Variants in MSI2 observed in about 807,000 individuals in gnomAD.
The protein encoded by MSI2 is RNA-binding protein Musashi homolog 2.
A neutral mutation model predicts 45.6 loss-of-function variants in MSI2; 17 were observed. That is an observed-to-expected ratio of 0.37 (90% confidence interval 0.26 to 0.56). The LOEUF (loss-of-function observed/expected upper bound fraction) is 0.56, where lower values mean the gene tolerates loss of function less well. Ranked by LOEUF, MSI2 falls within the 20% of genes least tolerant of loss-of-function variation. MSI2 has a pLI of 0.77. For missense variants in MSI2, 293 were observed against 444.2 expected (o/e 0.66, Z 3.06); for synonymous variants, 156 against 158.2 (o/e 0.99, Z 0.11).
chr17:57,274,758 G>A (rs1908699879), intron 5 of MSI2, among the ~76,000 whole-genome samples: 1 of 152,206 alleles, frequency 6.6e-6, no homozygotes, highest in South Asian at 2.1e-4. Flanking sequence ...GTGCCATAAC[G>A]AAGTGTGTGG....
chr17:57,329,945 T>C (rs1163452588), intron 5 of MSI2, among the ~76,000 whole-genome samples: 1 of 152,120 alleles, frequency 6.6e-6, no homozygotes, highest in Non-Finnish European at 1.5e-5. Context: ...TTTTTGTTTT[T>C]TTTTTTTGGT....
At chr17:57,410,007 C>CAAAAAAAAAAA (rs1960012378) in intron 6 of MSI2, among the ~76,000 whole-genome samples, 1 of 2,366 alleles carries the variant, frequency 4.2e-4, no homozygotes, top group Non-Finnish European at 1.5e-3. Flanking sequence ...GACTCTGTCT[C>CAAAAAAAAAAA]CAAAAAAAAA....
intron 8 of MSI2, among the ~76,000 whole-genome samples, 153 bp downstream of exon 8, chr17:57,597,103 G>A (rs1359423548): frequency 1.3e-5 from 2 of 151,960 alleles, no homozygotes; most frequent in Non-Finnish European, 1.5e-5. Flanking sequence ...AACAGTAGCA[G>A]TTGTTTCATA....
chr17:57,419,225 G>A (rs2084351063), intron 6 of MSI2, among the ~76,000 whole-genome samples: 1 of 151,208 alleles, frequency 6.6e-6, no homozygotes. Context: ...AGTTCTTACT[G>A]GTTAAGGACA....
chr17:57,563,734 A>T (rs2087649122), intron 7 of MSI2, among the ~76,000 whole-genome samples: 1 of 144,260 alleles, frequency 6.9e-6, no homozygotes, highest in African/African-American at 2.7e-5. Flanking sequence ...CCTCTCACAC[A>T]CACACAGGCG....
At chr17:57,363,110 C>T (rs983595060) in intron 5 of MSI2, among the ~76,000 whole-genome samples, 1 of 152,152 alleles carries the variant, frequency 6.6e-6, no homozygotes, top group Non-Finnish European at 1.5e-5. Flanking sequence ...GGAAACAACC[C>T]AAATGTCCAT....
chr17:57,570,451 G>A (rs1486705828), intron 7 of MSI2, among the ~76,000 whole-genome samples: 1 of 152,174 alleles, frequency 6.6e-6, no homozygotes, highest in Non-Finnish European at 1.5e-5. Context: ...AATTATTTGT[G>A]AGTTATCCAC....
chr17:57,529,491 C>A lies in MSI2; in HGVS notation c.406-185C>A, dbSNP rs770882270. On this transcript the variant is annotated intron_variant, in intron 6 of 13. Coordinates refer to ENST00000284073, the MANE Select transcript of MSI2 (RefSeq NM_138962.4). The surrounding 1 kb of genome is among the most constrained non-coding windows in gnomAD (Gnocchi z 5.3). ...TATATAAAATGTTAACTGTATACAA[C>A]GGTGTGGAGTGGAAAGACCACTGTT... Among the ~76,000 whole-genome samples, 1 of 148,176 alleles carries A rather than the reference C, an allele frequency of 6.7e-6. No individual in the cohort carries two copies. Among genetic ancestry groups the A allele is most frequent in the Non-Finnish European group, 1.5e-5 (1 of 67,584 alleles).
intron 5 of MSI2, among the ~76,000 whole-genome samples, chr17:57,325,459 A>C (rs1362807861): frequency 2.0e-5 from 3 of 152,266 alleles, no homozygotes; most frequent in Non-Finnish European, 4.4e-5. Flanking sequence ...GAAATACAAA[A>C]ATTATTAAAA....
chr17:57,422,344 C>T (rs917730749), intron 6 of MSI2, among the ~76,000 whole-genome samples: 1 of 152,146 alleles, frequency 6.6e-6, no homozygotes, highest in Non-Finnish European at 1.5e-5. Flanking sequence ...CCCGTAGTCT[C>T]AGCTACTCAG....
chr17:57,319,949 G>A (rs1036947053), intron 5 of MSI2, among the ~76,000 whole-genome samples: 7 of 152,106 alleles, frequency 4.6e-5, no homozygotes, highest in African/African-American at 1.2e-4. Context: ...AAAGTGGAGC[G>A]AGAGGGGCGA....
At chr17:57,502,636 T>TATATATAG in intron 6 of MSI2, among the ~76,000 whole-genome samples, 1,376 of 96,322 alleles carry the variant, frequency 0.014, 56 homozygotes, top group Admixed American at 0.027. Flanking sequence ...TATATATATA[T>TATATATAG]AGTCATCATT....
At position 57,283,335 on chromosome 17, in the gene MSI2, CCTTTG is replaced by C. The variant is rs532975052; in HGVS notation, c.312+21144_312+21148del. Among the ~76,000 whole-genome samples the C allele has an allele frequency of 1.2e-3, 184 of 152,280 alleles. 1 individual carries two copies. The highest frequency in any genetic ancestry group is 4.2e-3 in the African/African-American group (174 of 41,548). On this transcript the variant is annotated intron_variant, in intron 5 of 13. Coordinates refer to ENST00000284073, the MANE Select transcript of MSI2 (RefSeq NM_138962.4). ...GTCAGCCCCTGGGGCTGAAGTGCTT[CCTTTG>C]TGGGCAGAACCCCAGAAGTCCCTTT...
At chr17:57,427,557 C>T (rs1014425500) in intron 6 of MSI2, among the ~76,000 whole-genome samples, 2 of 152,182 alleles carry the variant, frequency 1.3e-5, no homozygotes, top group Non-Finnish European at 2.9e-5. Flanking sequence ...ATAAAACCAC[C>T]TTCCTCATTA....
At chr17:57,570,964 C>T (rs1365703541) in intron 7 of MSI2, among the ~76,000 whole-genome samples, 1 of 152,192 alleles carries the variant, frequency 6.6e-6, no homozygotes, top group Non-Finnish European at 1.5e-5. Context: ...GTGACGGCCT[C>T]TGGGGCCCCT....
At chr17:57,615,147 A>C (rs1028575079) in intron 8 of MSI2, among the ~76,000 whole-genome samples, 1 of 141,964 alleles carries the variant, frequency 7.0e-6, no homozygotes, top group Non-Finnish European at 1.5e-5. Context: ...TTTTTTTTTA[A>C]GACAGGGTCT....
chr17:57,492,877 G>A (rs763843494), intron 6 of MSI2, among the ~76,000 whole-genome samples: 23 of 152,192 alleles, frequency 1.5e-4, no homozygotes, highest in South Asian at 4.1e-4. Flanking sequence ...GATTACAGGC[G>A]TGAGCCACCA....
chr17:57,698,961 C>A, the MSI2 span, among the ~76,000 whole-genome samples: 1 of 127,328 alleles, frequency 7.9e-6, no homozygotes, highest in Non-Finnish European at 1.6e-5. Context: ...AAGGTCTTAC[C>A]AATGCACTTC....
chr17:57,475,391 G>A (rs180999860), intron 6 of MSI2, among the ~76,000 whole-genome samples: 29 of 152,266 alleles, frequency 1.9e-4, no homozygotes, highest in Middle Eastern at 3.4e-3. Flanking sequence ...CAAGAGAGGA[G>A]AGAATAAAGC....
Sources: gnomAD v4.1 joint callset for allele counts (sites outside exome capture counted in the v4.1 genomes callset) on GRCh38, gnomAD v4.1.1 for gene constraint, Gnocchi (gnomAD v3.1) non-coding constraint, MANE v1.5 for transcripts, NCBI Gene and HGNC (gene_info 2026-07-23, HGNC 2026-07-21) for gene names.